NR3C1: variants seen among roughly 807,000 people sequenced by gnomAD.
The protein encoded by NR3C1 is glucocorticoid receptor.
Under a neutral mutation model 74.0 loss-of-function variants are expected in NR3C1, and 14 were observed. The ratio of observed to expected loss-of-function variants is 0.19; its 90% CI spans 0.12 to 0.30. The LOEUF (loss-of-function observed/expected upper bound fraction) is 0.30. NR3C1 is among the 10% of genes least tolerant of loss of function. The probability of loss-of-function intolerance (pLI) is 1.00; values close to 1 mark genes in which losing one functional copy is unlikely to be tolerated. For synonymous variants in NR3C1, 308 were observed against 332.5 expected, an observed-to-expected ratio of 0.93 and a Z score of 0.80; for missense variants, 695 against 909.8, an observed-to-expected ratio of 0.76 and a Z score of 3.04.
chr5:143,404,098 C>A, upstream of NR3C1: 1 of 985,418 alleles, frequency 1.0e-6, no homozygotes, highest in Non-Finnish European at 1.2e-6. Flanking sequence ...CTCGGGAGCT[C>A]GCTCTGCCCC....
rs114499847 is a variant in NR3C1 at position 143,291,644 on chromosome 5, T to C, written c.2023+3816A>G. Among the ~76,000 whole-genome samples, 816 of 152,348 alleles carry C rather than the reference T, an allele frequency of 5.4e-3. 5 individuals are homozygous for C. The highest frequency in any genetic ancestry group is 0.019 in the African/African-American group (783 of 41,580). On this transcript the variant is annotated intron_variant, in intron 7 of 8. Transcript: ENST00000394464. Reference sequence around the variant, plus strand: ...CATTCAAATTTAAAGTAATTACTGATACAGCTGGATTAATGTCTACTATGT... The same window carrying C: ...CATTCAAATTTAAAGTAATTACTGACACAGCTGGATTAATGTCTACTATGT...
intron 2 of NR3C1, among the ~76,000 whole-genome samples, chr5:143,345,854 T>C (rs1437410278): frequency 6.6e-6 from 1 of 152,224 alleles, no homozygotes; most frequent in East Asian, 1.9e-4. Context: ...AGTGATGTTT[T>C]TGTGACCAGA....
rs759168157 is a variant in NR3C1, at chr5:143,314,180, G to A, written c.1185-12C>T. ...GTCTCATGCTGGGGCTAAAGAAGGGGAAGAACAGTGTTATGATTTAACTGT... is the reference window on the plus strand; with the variant it reads ...GTCTCATGCTGGGGCTAAAGAAGGGAAAGAACAGTGTTATGATTTAACTGT... On this transcript the variant is annotated splice_polypyrimidine_tract_variant and intron_variant, in intron 2 of 8. Transcript: ENST00000394464. The A allele has an allele frequency of 1.4e-5, 23 of 1,613,122 alleles. No individual in the cohort carries two copies. In the South Asian group the frequency reaches 2.2e-4, roughly 15 times the overall value.
intron 2 of NR3C1, among the ~76,000 whole-genome samples, chr5:143,361,848 A>G (rs1190388096): frequency 6.6e-6 from 1 of 152,230 alleles, no homozygotes; most frequent in Admixed American, 6.5e-5. Context: ...AGTATGCTAG[A>G]CAATGTACAG....
At chr5:143,373,071 A>G (rs1834497181) in intron 2 of NR3C1, among the ~76,000 whole-genome samples, 1 of 152,162 alleles carries the variant, frequency 6.6e-6, no homozygotes, top group Non-Finnish European at 1.5e-5. Flanking sequence ...TTTCACACCC[A>G]CCATACTGCC....
At position 143,324,485 on chromosome 5, in the gene NR3C1, C is replaced by T. The variant is rs964627653; in HGVS notation, c.1185-10317G>A. On this transcript the variant is annotated intron_variant, in intron 2 of 8. Transcript: ENST00000394464. ...CCTAGCCTACACATAGCATGAGGAC[C>T]GTGGGCCTGGCCCACGAAACCACTT... Among the ~76,000 whole-genome samples, 13 of 152,286 alleles carry T rather than the reference C, an allele frequency of 8.5e-5. No individual in the cohort carries two copies. In the East Asian group the frequency reaches 1.7e-3, roughly 20 times the overall value.
At chr5:143,382,099 C>A (rs1448452259) in intron 2 of NR3C1, among the ~76,000 whole-genome samples, 4 of 152,070 alleles carry the variant, frequency 2.6e-5, no homozygotes, top group African/African-American at 9.7e-5. Flanking sequence ...AAAAAATGGA[C>A]AAAAGATCTG....
intron 2 of NR3C1, among the ~76,000 whole-genome samples, chr5:143,335,712 G>T (rs1383599081): frequency 6.6e-6 from 1 of 152,188 alleles, no homozygotes; most frequent in African/African-American, 2.4e-5. Context: ...TATGTCAATA[G>T]ATATTTTACA....
At chr5:143,408,247 A>G (rs1841179849), upstream of NR3C1, among the ~76,000 whole-genome samples, 1 of 152,206 alleles carries the variant, frequency 6.6e-6, no homozygotes, top group South Asian at 2.1e-4. Flanking sequence ...ACTAAAAGGA[A>G]TGTAACCTTG....
At chr5:143,321,708 T>C (rs1237739929) in intron 2 of NR3C1, among the ~76,000 whole-genome samples, 1 of 152,236 alleles carries the variant, frequency 6.6e-6, no homozygotes, top group East Asian at 1.9e-4. Flanking sequence ...ACAGGGATCC[T>C]GGATTCTACA....
intron 2 of NR3C1, among the ~76,000 whole-genome samples, chr5:143,388,971 A>G (rs865864400): frequency 3.2e-4 from 48 of 152,292 alleles, no homozygotes; most frequent in African/African-American, 1.1e-3. Context: ...GTCCTCATCT[A>G]GTCAACTAAT....
intron 7 of NR3C1, among the ~76,000 whole-genome samples, chr5:143,289,020 C>G (rs554770211): frequency 7.3e-6 from 1 of 137,364 alleles, no homozygotes; most frequent in East Asian, 2.2e-4. Context: ...TGCGATGAGC[C>G]AAGATCATGC....
chr5:143,295,008 A>G (rs1341932163), intron 7 of NR3C1: 3 of 985,336 alleles, frequency 3.0e-6, no homozygotes, highest in South Asian at 4.7e-5. Flanking sequence ...TATGTTAACC[A>G]ATCCCCAATA....
chr5:143,404,509 G>A, upstream of NR3C1: 1 of 720,800 alleles, frequency 1.4e-6, no homozygotes, highest in Non-Finnish European at 1.6e-6. Flanking sequence ...CCTCCCCCGC[G>A]CCCCGACCGT....
upstream of NR3C1, chr5:143,405,461 G>A (rs1470872643): frequency 4.6e-6 from 3 of 648,184 alleles, no homozygotes; most frequent in Non-Finnish European, 5.7e-6. Context: ...CCGTCCCCGC[G>A]GCCACCATCT....
intron 2 of NR3C1, among the ~76,000 whole-genome samples, chr5:143,328,538 C>G (rs557115252): frequency 7.9e-5 from 12 of 152,312 alleles, no homozygotes; most frequent in African/African-American, 2.9e-4. Flanking sequence ...TTCTTTTCTA[C>G]TACATGGTCA....
Position 143,298,700 on chromosome 5 carries a change from C to T in NR3C1, c.1860G>A (p.Leu620=). 6.2e-7 allele frequency: 1 copy of T among 1,613,806 alleles called. No individual in the cohort carries two copies. Among genetic ancestry groups the T allele is most frequent in the Non-Finnish European group, 8.5e-7 (1 of 1,179,868 alleles). Residue 620 remains leucine, a synonymous_variant, in exon 6 of 9, where the codon CTG becomes CTA. Coordinates refer to ENST00000394464, the MANE Select transcript of NR3C1 (RefSeq NM_000176.3). The part of the protein sequence containing the change: ...WRSYRQSSAN[L]LCFAPDLIIN... Reference sequence around the variant, plus strand: ...TAATCAGATCAGGAGCAAAACACAGCAGGTTTGCACTTGATTGTCTATATG... The same window carrying T: ...TAATCAGATCAGGAGCAAAACACAGTAGGTTTGCACTTGATTGTCTATATG...
At chr5:143,429,407 T>C (rs1751698335) in intron 1 of NR3C1, among the ~76,000 whole-genome samples, 1 of 152,210 alleles carries the variant, frequency 6.6e-6, no homozygotes, top group South Asian at 2.1e-4. Flanking sequence ...TTGGTGAGTA[T>C]CTTCATTTTC....
At chr5:143,400,904 A>AC in intron 1 of NR3C1, 52 bp from the exon 2 acceptor site, 1 of 1,362,714 alleles carries the variant, frequency 7.3e-7, no homozygotes, top group Non-Finnish European at 1.0e-6. Flanking sequence ...CTCTAAAGTC[A>AC]CATTATCTTC....
Sources: allele counts gnomAD v4.1 joint callset (sites outside exome capture counted in the v4.1 genomes callset), GRCh38; gene constraint gnomAD v4.1.1; transcripts MANE v1.5; gene names NCBI Gene and HGNC (gene_info 2026-07-23, HGNC 2026-07-21).